PSMD13: variants seen among roughly 807,000 people sequenced by gnomAD.
The protein encoded by PSMD13 is 26S proteasome non-ATPase regulatory subunit 13.
A neutral mutation model predicts 57.4 loss-of-function variants in PSMD13; 8 were observed. That is an observed-to-expected ratio of 0.14 (90% CI 0.08 to 0.25). The LOEUF is 0.25. Ranked by LOEUF, PSMD13 falls within the 10% of genes least tolerant of loss-of-function variation. The pLI is 1.00. For synonymous variants in PSMD13, 193 were observed against 168.2 expected (o/e 1.15, Z -1.14); for missense variants, 400 against 461.5 (o/e 0.87, Z 1.22).
chr11:238,866 TGAATTTTG>T lies in PSMD13; in HGVS notation c.96-129_96-122del, dbSNP rs1859456634. 6 of 885,530 alleles carry T rather than the reference TGAATTTTG, an allele frequency of 6.8e-6. No individual in the cohort carries two copies. The Admixed American group carries it at 8.0e-5, about 12-fold the overall frequency. 54.9% of individuals were successfully genotyped at this position (885,530 alleles called of 1,614,324 possible). Reference sequence around the variant, plus strand: ...AAAAGTTTTGGATTTTGGAGCATTTTGAATTTTGGAGTTTTGGAGTTTTGGATTAGAGA... The same window carrying T: ...AAAAGTTTTGGATTTTGGAGCATTTTGAGTTTTGGAGTTTTGGATTAGAGA... On this transcript the variant is annotated intron_variant, in intron 1 of 12. Coordinates refer to ENST00000532097, the MANE Select transcript of PSMD13 (RefSeq NM_002817.4).
intron 9 of PSMD13, 23 bp downstream of exon 9, chr11:249,080 C>G (rs1323268343): frequency 6.2e-7 from 1 of 1,607,722 alleles, no homozygotes; most frequent in Non-Finnish European, 8.5e-7. Flanking sequence ...CGATGCCCAG[C>G]CCTTATTCCC....
chr11:249,521 A>C (rs1859727461), intron 9 of PSMD13, among the ~76,000 whole-genome samples: 1 of 147,566 alleles, frequency 6.8e-6, no homozygotes, highest in Non-Finnish European at 1.5e-5. Flanking sequence ...CCTGGTGAAG[A>C]GAATGGGAGA....
chr11:250,977 T>G (rs61157813), intron 10 of PSMD13, 112 bp downstream of exon 10: 5 of 930,612 alleles, frequency 5.4e-6, no homozygotes, highest in African/African-American at 1.6e-5. Flanking sequence ...TGGTGCTGCT[T>G]CTGCTGTGCG....
chr11:236,991 C>A lies in PSMD13; in HGVS notation c.-59C>A. 1 of 1,424,584 alleles carries A rather than the reference C, an allele frequency of 7.0e-7. No individual in the cohort carries two copies. Among genetic ancestry groups the A allele is most frequent in the Non-Finnish European group, 9.9e-7 (1 of 1,014,774 alleles). 88.2% of individuals were successfully genotyped at this position (1,424,584 alleles called of 1,614,324 possible). On this transcript the variant is annotated 5_prime_UTR_variant, in exon 1 of 13. Transcript: ENST00000532097. ...GGAAGTGAGTGAGCATTTCCGGCAG[C>A]CATCCCCGCGGTGCTGACATCCCGG...
intron 5 of PSMD13, 58 bp downstream of exon 5, chr11:244,527 C>T: frequency 6.4e-7 from 1 of 1,559,128 alleles, no homozygotes; most frequent in South Asian, 1.1e-5. Context: ...TATGACTTAA[C>T]AGCTTGTGTT....
chr11:251,921 G>A lies in PSMD13; in HGVS notation c.1020G>A (p.Val340=), dbSNP rs772336242. The part of the protein sequence containing the change: ...RVHMTWVQPR[V]LDLQQIKGMK... ...ACATGACCTGGGTGCAGCCCCGAGT[G>A]TTGGATTTGCAACAGGTGATGTGTT... Residue 340 remains valine, a synonymous_variant, in exon 12 of 13, where the codon GTG becomes GTA. Coordinates refer to ENST00000532097, the MANE Select transcript of PSMD13 (RefSeq NM_002817.4). The surrounding 1 kb of genome is among the most constrained non-coding windows in gnomAD (Gnocchi z 4.6). 3 of 1,613,608 alleles carry A rather than the reference G, an allele frequency of 1.9e-6. No individual in the cohort carries two copies. In the Admixed American group the frequency reaches 5.0e-5, roughly 27 times the overall value.
chr11:248,570 G>A, intron 7 of PSMD13: 1 of 572,418 alleles, frequency 1.7e-6, no homozygotes, highest in Non-Finnish European at 3.1e-6. Context: ...ATAAATGAAT[G>A]CTCCTCCCAA....
rs759134772 is a variant in PSMD13, at chr11:252,233, C to T, written c.1036-272C>T. The T allele has an allele frequency of 1.4e-5, 7 of 512,386 alleles. No homozygotes were observed. Among genetic ancestry groups the T allele is most frequent in the Non-Finnish European group, 2.5e-5 (7 of 283,552 alleles). 31.7% of individuals were successfully genotyped at this position (512,386 alleles called of 1,614,324 possible). A position where few individuals can be genotyped will look rare whatever the true frequency, so the allele number is the denominator to read the frequency against. ...CGTTCCTGGTTCTGTGATTTGAGCT[C>T]ACGTCGCTCTTACATTTGCTGGAAA... On this transcript the variant is annotated intron_variant, in intron 12 of 12. Transcript: ENST00000532097. The surrounding 1 kb of genome is among the most constrained non-coding windows in gnomAD (Gnocchi z 4.1).
chr11:242,086 A>G (rs1015164926), intron 2 of PSMD13, among the ~76,000 whole-genome samples: 1 of 151,728 alleles, frequency 6.6e-6, no homozygotes, highest in Non-Finnish European at 1.5e-5. Context: ...CCACTTCTAC[A>G]GTAACCTTTG....
chr11:242,264 A>G (rs1859531481), intron 2 of PSMD13, among the ~76,000 whole-genome samples: 1 of 147,564 alleles, frequency 6.8e-6, no homozygotes, highest in Non-Finnish European at 1.5e-5. Flanking sequence ...TGTAGTATCT[A>G]GTATGGAGTC....
At chr11:248,295 C>G (rs531830978) in intron 7 of PSMD13, 1 of 159,266 alleles carries the variant, frequency 6.3e-6, no homozygotes, top group African/African-American at 2.4e-5. Context: ...ACTGTTGAAG[C>G]TAAGGAGACC....
At chr11:245,698 GTGTTTGTGTGTGTT>G (rs1240715448) in intron 6 of PSMD13, among the ~76,000 whole-genome samples, 75 of 16,770 alleles carry the variant, frequency 4.5e-3, no homozygotes, top group African/African-American at 0.013. Flanking sequence ...GTGTGTTCGT[GTGTTTGTGTGTGTT>G]TGTGTGTGTG....
Position 250,853 on chromosome 11 carries a change from G to T in PSMD13, c.825G>T (p.Leu275Phe). The part of the protein sequence containing the change: ...EAQLLRKIQL[L>F]CLMEMTFTRP... ...AGCTTCTGAGGAAAATTCAGTTGTT[G>T]TGCCTCATGGAGGTAAGCGAACACC... The change falls in exon 10 of 13, where the codon TTG becomes TTT. Residue 275 changes from leucine (L) to phenylalanine (F), a missense_variant. Coordinates refer to ENST00000532097, the MANE Select transcript of PSMD13 (RefSeq NM_002817.4). The T allele has an allele frequency of 6.2e-7, 1 of 1,613,874 alleles. No homozygotes were observed. Among genetic ancestry groups the T allele is most frequent in the Non-Finnish European group, 8.5e-7 (1 of 1,179,988 alleles).
intron 2 of PSMD13, chr11:243,231 G>T: frequency 1.8e-6 from 1 of 549,120 alleles, no homozygotes; most frequent in Non-Finnish European, 3.6e-6. Context: ...ACTTAACGTG[G>T]TGGGAAATGT....
At chr11:248,225 G>A (rs1027434172) in intron 7 of PSMD13, 80 of 154,008 alleles carry the variant, frequency 5.2e-4, no homozygotes, top group African/African-American at 1.9e-3. Context: ...TGGAAAAAGT[G>A]TAAGGAATAT....
chr11:252,226 T>G lies in PSMD13; in HGVS notation c.1036-279T>G, dbSNP rs1859777584. On this transcript the variant is annotated intron_variant, in intron 12 of 12. Coordinates refer to ENST00000532097, the MANE Select transcript of PSMD13 (RefSeq NM_002817.4). This position sits in a 1 kb window ranked among gnomAD's most constrained non-coding sequence, Gnocchi z 4.1. ...TCAGATACGTTCCTGGTTCTGTGAT[T>G]TGAGCTCACGTCGCTCTTACATTTG... The G allele has an allele frequency of 1.9e-6, 1 of 519,820 alleles. No homozygotes were observed. Among genetic ancestry groups the G allele is most frequent in the Non-Finnish European group, 3.5e-6 (1 of 288,630 alleles). The allele number at this position is 519,820 out of a possible 1,614,324, so 32.2% of individuals were successfully genotyped here. A position where few individuals can be genotyped will look rare whatever the true frequency, so the allele number is the denominator to read the frequency against.
At position 237,005 on chromosome 11, in the gene PSMD13, C is replaced by T. The variant is rs1337290610; in HGVS notation, c.-45C>T. Reference sequence around the variant, plus strand: ...ATTTCCGGCAGCCATCCCCGCGGTGCTGACATCCCGGTTGTTCTTCTGTGC... The same window carrying T: ...ATTTCCGGCAGCCATCCCCGCGGTGTTGACATCCCGGTTGTTCTTCTGTGC... On this transcript the variant is annotated 5_prime_UTR_variant, in exon 1 of 13. Coordinates refer to ENST00000532097, the MANE Select transcript of PSMD13 (RefSeq NM_002817.4). The T allele has an allele frequency of 2.6e-6, 4 of 1,512,620 alleles. No homozygotes were observed. The highest frequency in any genetic ancestry group is 2.3e-5 in the East Asian group (1 of 44,224). The allele number at this position is 1,512,620 out of a possible 1,614,324, so 93.7% of individuals were successfully genotyped here. A position where few individuals can be genotyped will look rare whatever the true frequency, so the allele number is the denominator to read the frequency against.
intron 2 of PSMD13, 136 bp from the exon 3 acceptor site, chr11:243,905 G>A: frequency 1.3e-6 from 1 of 771,196 alleles, no homozygotes; most frequent in Non-Finnish European, 2.1e-6. Context: ...TGCTTACTGT[G>A]TGCTGGGCAC....
At chr11:240,101 C>CTTTTTTT (rs60869932) in intron 2 of PSMD13, among the ~76,000 whole-genome samples, 1,471 of 51,414 alleles carry the variant, frequency 0.029, 419 homozygotes, top group East Asian at 0.12. Context: ...ATGAGACCTG[C>CTTTTTTT]TTTTTTTTTT....
Sources: allele counts gnomAD v4.1 joint callset (sites outside exome capture counted in the v4.1 genomes callset), GRCh38; gene constraint gnomAD v4.1.1; non-coding constraint Gnocchi (gnomAD v3.1); transcripts MANE v1.5; gene names NCBI Gene and HGNC (gene_info 2026-07-23, HGNC 2026-07-21).